Variants in GALNTL6 observed in about 807,000 individuals in gnomAD.
GALNTL6 encodes the protein polypeptide N-acetylgalactosaminyltransferase like 6.
In GALNTL6, 46 loss-of-function variants were observed where a neutral mutation model predicts 73.7. That is an observed-to-expected ratio of 0.62 (90% CI 0.49 to 0.80). The LOEUF is 0.80. Among genes scored for constraint, GALNTL6 ranks in the 30% least tolerant of loss-of-function variants. GALNTL6 has a pLI of 0.00. For synonymous variants in GALNTL6, 259 were observed against 263.7 expected, an observed-to-expected ratio of 0.98 and a Z score of 0.17; for missense variants, 604 against 755.0, an observed-to-expected ratio of 0.80 and a Z score of 2.34.
chr4:171,882,226 C>G (rs1043320409), intron 2 of GALNTL6, among the ~76,000 whole-genome samples: 5 of 152,176 alleles, frequency 3.3e-5, no homozygotes, highest in African/African-American at 1.2e-4. Flanking sequence ...ATTCTGACTA[C>G]AGCTATCTTT....
intron 5 of GALNTL6, among the ~76,000 whole-genome samples, chr4:172,672,897 A>G (rs1732070103): frequency 1.3e-5 from 2 of 151,830 alleles, no homozygotes; most frequent in South Asian, 2.1e-4. Flanking sequence ...AATTGTGTTT[A>G]TTTGAATCTT....
chr4:172,733,369 T>C (rs1736265516), intron 5 of GALNTL6, among the ~76,000 whole-genome samples: 1 of 152,214 alleles, frequency 6.6e-6, no homozygotes, highest in Non-Finnish European at 1.5e-5. Context: ...CCCTTGACTT[T>C]TGAGGATTTG....
At chr4:171,915,150 A>G (rs887969667) in intron 2 of GALNTL6, among the ~76,000 whole-genome samples, 2 of 152,170 alleles carry the variant, frequency 1.3e-5, no homozygotes, top group African/African-American at 2.4e-5. Context: ...GTATGTTCAT[A>G]TATCTTCTTA....
Position 172,650,681 on chromosome 4 carries a change from T to G in GALNTL6, c.554-158680T>G, listed in dbSNP as rs837210. On this transcript the variant is annotated intron_variant, in intron 5 of 12. Coordinates refer to ENST00000506823, the MANE Select transcript of GALNTL6 (RefSeq NM_001034845.3). ...ATAATGTGGAAGAAATGGAAAGAGA[T>G]GTCTGTTAATGTCACAGATGACAAT... 8.6e-3 allele frequency among the ~76,000 whole-genome samples: 1,309 copies of G among 152,296 alleles called. 19 individuals carry two copies. The highest frequency in any genetic ancestry group is 0.03 in the African/African-American group (1,256 of 41,574).
intron 2 of GALNTL6, among the ~76,000 whole-genome samples, chr4:172,009,615 G>C (rs545235393): frequency 6.6e-5 from 10 of 152,056 alleles, no homozygotes; most frequent in African/African-American, 2.4e-4. Flanking sequence ...CTTGAATTCC[G>C]AATCAATGGT....
intron 7 of GALNTL6, among the ~76,000 whole-genome samples, chr4:172,833,974 G>A (rs1158028137): frequency 2.0e-5 from 3 of 152,154 alleles, no homozygotes; most frequent in Non-Finnish European, 4.4e-5. Flanking sequence ...AAAAATAGCT[G>A]AGCGTGGTGG....
chr4:172,034,031 T>C (rs1023183606), intron 2 of GALNTL6, among the ~76,000 whole-genome samples: 1 of 152,154 alleles, frequency 6.6e-6, no homozygotes, highest in Non-Finnish European at 1.5e-5. Flanking sequence ...CATAACCTTA[T>C]ACTACTGCTA....
At chr4:173,029,939 C>T (rs1045589955) in intron 12 of GALNTL6, among the ~76,000 whole-genome samples, 59 of 152,190 alleles carry the variant, frequency 3.9e-4, no homozygotes, top group African/African-American at 1.3e-3. Context: ...AAGCACTGAG[C>T]CCTCTATCAT....
chr4:171,966,720 T>G (rs1277325432), intron 2 of GALNTL6, among the ~76,000 whole-genome samples: 1 of 152,186 alleles, frequency 6.6e-6, no homozygotes, highest in Non-Finnish European at 1.5e-5. Flanking sequence ...CTTGCCTGGT[T>G]AAAACAAACA....
At chr4:172,806,993 C>T (rs1740998806) in intron 5 of GALNTL6, among the ~76,000 whole-genome samples, 1 of 152,218 alleles carries the variant, frequency 6.6e-6, no homozygotes, top group Non-Finnish European at 1.5e-5. Context: ...GACGCTGACA[C>T]ATAACGGCGT....
intron 10 of GALNTL6, among the ~76,000 whole-genome samples, chr4:172,996,863 C>A (rs1389721561): frequency 1.3e-5 from 2 of 151,878 alleles, no homozygotes; most frequent in Non-Finnish European, 2.9e-5. Flanking sequence ...TTTTTAAGTC[C>A]AGGTTTAAAA....
chr4:172,701,109 C>T (rs1383063266), intron 5 of GALNTL6, among the ~76,000 whole-genome samples: 3 of 152,064 alleles, frequency 2.0e-5, no homozygotes. Context: ...CATTTCTCAT[C>T]TTATTTACTA....
intron 4 of GALNTL6, among the ~76,000 whole-genome samples, chr4:172,338,819 C>T (rs925986988): frequency 2.6e-5 from 4 of 152,174 alleles, no homozygotes; most frequent in African/African-American, 9.6e-5. Context: ...AGGGCGCAGC[C>T]ACCAAGCACC....
At chr4:172,437,749 AT>A (rs1167655580) in intron 5 of GALNTL6, among the ~76,000 whole-genome samples, 4 of 152,150 alleles carry the variant, frequency 2.6e-5, no homozygotes, top group African/African-American at 9.6e-5. Context: ...CCTTATCTAA[AT>A]TTATCCAGGC....
intron 7 of GALNTL6, among the ~76,000 whole-genome samples, chr4:172,855,126 A>C (rs1286861017): frequency 6.6e-6 from 1 of 152,006 alleles, no homozygotes; most frequent in Admixed American, 6.6e-5. Flanking sequence ...AACAAAAAGC[A>C]AAAGAACCCA....
At chr4:172,720,934 T>A (rs1014665620) in intron 5 of GALNTL6, among the ~76,000 whole-genome samples, 6 of 152,246 alleles carry the variant, frequency 3.9e-5, no homozygotes, top group Non-Finnish European at 5.9e-5. Flanking sequence ...CTTTTCATGG[T>A]TGATTCCTCT....
intron 5 of GALNTL6, among the ~76,000 whole-genome samples, chr4:172,370,261 G>A (rs1742746243): frequency 6.6e-6 from 1 of 152,082 alleles, no homozygotes; most frequent in African/African-American, 2.4e-5. Context: ...GTAGCTTGAT[G>A]GCCTCGATTC....
chr4:171,914,786 A>AAAAAAAC (rs2110968440), intron 2 of GALNTL6, among the ~76,000 whole-genome samples: 1 of 151,820 alleles, frequency 6.6e-6, no homozygotes, highest in African/African-American at 2.4e-5. Context: ...ATGATAAAAA[A>AAAAAAAC]AAAAAAACTA....
At chr4:171,841,985 A>G (rs1735250101) in intron 2 of GALNTL6, among the ~76,000 whole-genome samples, 1 of 152,104 alleles carries the variant, frequency 6.6e-6, no homozygotes, top group African/African-American at 2.4e-5. Context: ...TATTTCATGA[A>G]TTATGTTTCT....
Sources: allele counts gnomAD v4.1 joint callset (sites outside exome capture counted in the v4.1 genomes callset), GRCh38; gene constraint gnomAD v4.1.1; transcripts MANE v1.5; gene names NCBI Gene and HGNC (gene_info 2026-07-23, HGNC 2026-07-21).